DNAH6: variants seen among roughly 807,000 people sequenced by gnomAD.
DNAH6 encodes the protein dynein axonemal heavy chain 6.
In DNAH6, 340 loss-of-function variants were observed where a neutral mutation model predicts 491.4. The observed-to-expected ratio is 0.69, with a 90% CI of 0.63 to 0.76. The LOEUF is 0.76. Among genes scored for constraint, DNAH6 ranks in the 30% least tolerant of loss-of-function variants. The pLI is 0.00. For missense variants in DNAH6, 4,443 were observed against 4,972.2 expected (o/e 0.89, Z 3.20); for synonymous variants, 1,603 against 1,686.1 (o/e 0.95, Z 1.21).
Position 84,674,718 on chromosome 2 carries a change from G to A in DNAH6, c.6612+2234G>A, listed in dbSNP as rs371173726. ...CAACGCAGTGAGGAGAGAATATCAC[G>A]TGCCCTTTGCAGGTTTAGAATTCCC... is the stretch of plus-strand genomic sequence containing the variant. On this transcript the variant is annotated intron_variant, in intron 40 of 76. Coordinates refer to ENST00000389394, the MANE Select transcript of DNAH6 (RefSeq NM_001370.2). 5.3e-5 allele frequency among the ~76,000 whole-genome samples: 8 copies of A among 152,214 alleles called. No individual in the cohort carries two copies. The South Asian group carries it at 6.2e-4, about 12-fold the overall frequency.
chr2:84,590,444 G>A (rs1415376670), intron 16 of DNAH6, among the ~76,000 whole-genome samples: 3 of 141,182 alleles, frequency 2.1e-5, no homozygotes, highest in African/African-American at 7.7e-5. Flanking sequence ...GCAGTGAGCC[G>A]AGATCGTGCC....
At chr2:84,816,919 G>A (rs1187595080) in intron 76 of DNAH6, among the ~76,000 whole-genome samples, 1 of 152,114 alleles carries the variant, frequency 6.6e-6, no homozygotes, top group East Asian at 1.9e-4. Context: ...CACAGTGAGA[G>A]GGGAAAGAAG....
the DNAH6 span, among the ~76,000 whole-genome samples, chr2:84,472,252 A>G: frequency 6.6e-6 from 1 of 151,830 alleles, no homozygotes; most frequent in African/African-American, 2.4e-5. Context: ...AGCTCTTTCC[A>G]CTATTGCCTG....
At chr2:84,727,349 C>T (rs1298828509) in intron 60 of DNAH6, among the ~76,000 whole-genome samples, 1 of 152,004 alleles carries the variant, frequency 6.6e-6, no homozygotes, top group African/African-American at 2.4e-5. Context: ...TACAGTAAGT[C>T]CTCAATGTTG....
chr2:84,701,564 CT>C (rs1219028055), intron 49 of DNAH6, among the ~76,000 whole-genome samples: 1 of 152,132 alleles, frequency 6.6e-6, no homozygotes, highest in Admixed American at 6.5e-5. Flanking sequence ...ATCTGCTCAG[CT>C]TTTGGGGAGG....
intron 64 of DNAH6, among the ~76,000 whole-genome samples, chr2:84,769,930 G>T (rs1461139887): frequency 4.6e-5 from 7 of 152,176 alleles, no homozygotes; most frequent in African/African-American, 1.7e-4. Flanking sequence ...CAAAAGACAT[G>T]AGAAGAACTA....
At chr2:84,570,749 A>T (rs986263168) in intron 11 of DNAH6, among the ~76,000 whole-genome samples, 1 of 152,134 alleles carries the variant, frequency 6.6e-6, no homozygotes, top group Non-Finnish European at 1.5e-5. Flanking sequence ...AAAGCTGGCC[A>T]CCCGAGCCAG....
At position 84,694,380 on chromosome 2, in the gene DNAH6, G is replaced by T. The variant is rs372085815; in HGVS notation, c.7424G>T (p.Arg2475Leu). ...AAATGTTTGCAGATTGAACTCAGCC[G>T]GGGATATAATTATGATAGTTTTCAT... ...GYKCLQIELS[R>L]GYNYDSFHED... Residue 2475 changes from arginine (R) to leucine (L), a missense_variant, in exon 46 of 77, where the codon CGG becomes CTG. Arg to Leu is a moderately radical substitution (Grantham distance 102). This residue lies in a region of DNAH6 where 2,977 missense variants were observed against 3,296.6 expected (regional missense o/e 0.90). Coordinates refer to ENST00000389394, the MANE Select transcript of DNAH6 (RefSeq NM_001370.2). 5 of 1,552,344 alleles carry T rather than the reference G, an allele frequency of 3.2e-6. No homozygotes were observed. The highest frequency in any genetic ancestry group is 1.7e-4 in the Middle Eastern group (1 of 5,998).
chr2:84,789,524 G>A (rs754840836), intron 68 of DNAH6, among the ~76,000 whole-genome samples: 12 of 152,278 alleles, frequency 7.9e-5, no homozygotes, highest in Admixed American at 5.2e-4. Context: ...TCAAAGCAAT[G>A]GCTACCAATG....
chr2:84,520,893 G>T (rs1372682498), intron 2 of DNAH6, among the ~76,000 whole-genome samples: 1 of 152,022 alleles, frequency 6.6e-6, no homozygotes, highest in Non-Finnish European at 1.5e-5. Context: ...ATGTCATTAT[G>T]ATAGATCAAT....
At chr2:84,617,435 T>C (rs762441648) in intron 23 of DNAH6, among the ~76,000 whole-genome samples, 1 of 152,078 alleles carries the variant, frequency 6.6e-6, no homozygotes, top group Non-Finnish European at 1.5e-5. Context: ...GATTATTAAA[T>C]TAAATTATTA....
chr2:84,720,309 C>T (rs1165875268), intron 59 of DNAH6, among the ~76,000 whole-genome samples: 11 of 122,506 alleles, frequency 9.0e-5, no homozygotes, highest in Non-Finnish European at 1.6e-4. Context: ...GACAGAGTCT[C>T]GCTCTGTCGC....
intron 8 of DNAH6, 93 bp from the exon 9 acceptor site, chr2:84,549,796 T>G (rs1679142287): frequency 1.2e-6 from 1 of 837,496 alleles, no homozygotes; most frequent in African/African-American, 1.7e-5. Context: ...AATTATGATA[T>G]TTTACATTTT....
chr2:84,623,007 C>T (rs920863483), intron 26 of DNAH6, among the ~76,000 whole-genome samples: 3 of 152,162 alleles, frequency 2.0e-5, no homozygotes, highest in Non-Finnish European at 2.9e-5. Context: ...TCTTCCCTTA[C>T]TCAAGTTTTA....
chr2:84,461,483 G>C, the DNAH6 span, among the ~76,000 whole-genome samples: 21 of 152,210 alleles, frequency 1.4e-4, no homozygotes, highest in African/African-American at 5.1e-4. Context: ...ACTCATCTTT[G>C]TATGCAGATT....
the DNAH6 span, among the ~76,000 whole-genome samples, chr2:84,491,514 G>A: frequency 2.6e-5 from 4 of 152,110 alleles, no homozygotes; most frequent in African/African-American, 9.7e-5. Context: ...TGGCCAATGA[G>A]ACATAAGTCC....
chr2:84,489,197 G>C, the DNAH6 span, among the ~76,000 whole-genome samples: 9 of 152,010 alleles, frequency 5.9e-5, no homozygotes, highest in African/African-American at 2.2e-4. Context: ...GAACATGAGA[G>C]TGTCTTTAGG....
At chr2:84,695,045 A>C (rs1326495803) in intron 46 of DNAH6, among the ~76,000 whole-genome samples, 1 of 152,194 alleles carries the variant, frequency 6.6e-6, no homozygotes, top group East Asian at 1.9e-4. Context: ...TTGATGCATA[A>C]ATGTTTTAAA....
chr2:84,579,415 C>G, intron 13 of DNAH6, 112 bp from the exon 14 acceptor site: 2 of 1,187,326 alleles, frequency 1.7e-6, no homozygotes, highest in Admixed American at 2.1e-5. Flanking sequence ...TTCGTATTCA[C>G]TGCTGCTTCC....
Sources: allele counts gnomAD v4.1 joint callset (sites outside exome capture counted in the v4.1 genomes callset), GRCh38; gene constraint gnomAD v4.1.1; regional missense constraint gnomAD v4.1.1; transcripts MANE v1.5; gene names NCBI Gene and HGNC (gene_info 2026-07-23, HGNC 2026-07-21).